A2M: variants seen among roughly 807,000 people sequenced by gnomAD.
The protein encoded by A2M is alpha-2-macroglobulin, also known as C3 and PZP-like alpha-2-macroglobulin domain-containing protein 5.
Under a neutral mutation model 183.9 loss-of-function variants are expected in A2M, and 128 were observed. That is an observed-to-expected ratio of 0.70 (90% CI 0.60 to 0.81). The LOEUF is 0.81. A2M is among the 30% of genes least tolerant of loss of function. A2M has a pLI of 0.00. For missense variants in A2M, 1,495 were observed against 1,787.6 expected (o/e 0.84, Z 2.95); for synonymous variants, 592 against 670.8 (o/e 0.88, Z 1.81).
At chr12:9,094,870 CAT>C (rs920346825) in intron 17 of A2M, 101 bp downstream of exon 17, 7 of 550,288 alleles carry the variant, frequency 1.3e-5, no homozygotes, top group African/African-American at 1.2e-4. Flanking sequence ...GTATGACTCA[CAT>C]GTCCTTTTTG....
At chr12:9,110,752 A>G (rs1162994143) in intron 4 of A2M, among the ~76,000 whole-genome samples, 1 of 152,156 alleles carries the variant, frequency 6.6e-6, no homozygotes, top group Admixed American at 6.5e-5. Context: ...AGTTTCATAT[A>G]GAATAATTCC....
At position 9,113,394 on chromosome 12, in the gene A2M, G is replaced by T; in HGVS notation, c.236C>A (p.Ala79Glu). 1 of 1,613,446 alleles carries T rather than the reference G, an allele frequency of 6.2e-7. No homozygotes were observed. The highest frequency in any genetic ancestry group is 1.1e-5 in the South Asian group (1 of 91,010). Residue 79 changes from alanine to glutamate, a missense_variant, in exon 2 of 36, where the codon GCG (alanine) becomes GAG (glutamate). Coordinates refer to ENST00000318602, the MANE Select transcript of A2M (RefSeq NM_000014.6). ...GACACAGTGGAGTACGTCATTCTCC[G>T]CCTCCAGGTCAGTGAAGAGGCTCCT... Reference protein sequence around the residue: ...GNRSLFTDLEAENDVLHCVAF... With the variant: ...GNRSLFTDLEEENDVLHCVAF...
In A2M at chr12:9,093,425, C is replaced by A. The variant is rs770963600; in HGVS notation, c.2240+40G>T. 89 of 1,353,134 alleles carry A rather than the reference C, an allele frequency of 6.6e-5. No homozygotes were observed. The Middle Eastern group carries it at 3.2e-3, about 49-fold the overall frequency. The allele number at this position is 1,353,134 out of a possible 1,614,324, so 83.8% of individuals were successfully genotyped here. ...GCAAAGAGTTGAAAATAGTCAGGGA[C>A]CTCTATTGTTGCATATTGCATATGC... On this transcript the variant is annotated intron_variant, in intron 18 of 35. Transcript: ENST00000318602.
At chr12:9,089,084 T>C (rs959163244) in intron 22 of A2M, 116 bp downstream of exon 22, 12 of 804,698 alleles carry the variant, frequency 1.5e-5, no homozygotes, top group African/African-American at 5.2e-5. Context: ...GTCAAATGCA[T>C]TGATGGTGCT....
At chr12:9,096,682 T>C (rs147972152) in intron 15 of A2M, among the ~76,000 whole-genome samples, 77 of 152,342 alleles carry the variant, frequency 5.1e-4, no homozygotes, top group African/African-American at 1.8e-3. Context: ...TTAAAACTGA[T>C]TGACAAGAAC....
At position 9,093,560 on chromosome 12, in the gene A2M, T is replaced by C; in HGVS notation, c.2145A>G (p.Arg715=). Residue 715 remains arginine, a synonymous_variant, in exon 18 of 36, where the codon AGA becomes AGG. Transcript: ENST00000318602. ...VGFYESDVMG[R]GHARLVHVEE... ...CAACATGCACCAGGCGTGCATGGCC[T>C]CTTCCCATTACATCTGACTCTATGG... 6.2e-7 allele frequency: 1 copy of C among 1,603,570 alleles called. No individual in the cohort carries two copies. The highest frequency in any genetic ancestry group is 8.5e-7 in the Non-Finnish European group (1 of 1,174,964).
intron 10 of A2M, among the ~76,000 whole-genome samples, chr12:9,105,592 T>C (rs1258789230): frequency 6.6e-6 from 1 of 152,134 alleles, no homozygotes; most frequent in African/African-American, 2.4e-5. Context: ...GTCATAAAGA[T>C]CCATTTGCAC....
chr12:9,093,653 C>CAA, intron 17 of A2M, 74 bp from the exon 18 acceptor site: 1 of 751,204 alleles, frequency 1.3e-6, no homozygotes. Flanking sequence ...ATAGTTGCCA[C>CAA]CAAAAAAAAA....
chr12:9,093,772 C>T (rs1484955549), intron 17 of A2M, among the ~76,000 whole-genome samples, 193 bp from the exon 18 acceptor site: 1 of 150,828 alleles, frequency 6.6e-6, no homozygotes, highest in Non-Finnish European at 1.5e-5. Context: ...CTTAACAAGC[C>T]AGGAGAGGCC....
At chr12:9,081,337 A>G (rs1252141709) in intron 22 of A2M, among the ~76,000 whole-genome samples, 1 of 152,208 alleles carries the variant, frequency 6.6e-6, no homozygotes, top group African/African-American at 2.4e-5. Context: ...GTAACAGATG[A>G]TGGCAAATAT....
chr12:9,078,318 GC>G (rs1247137423), intron 25 of A2M, among the ~76,000 whole-genome samples: 2 of 152,170 alleles, frequency 1.3e-5, no homozygotes, highest in African/African-American at 4.8e-5. Flanking sequence ...GTGTTAGTTT[GC>G]TGAGGCTGAT....
intron 17 of A2M, among the ~76,000 whole-genome samples, chr12:9,094,475 A>G (rs141105187): frequency 6.6e-6 from 1 of 151,274 alleles, no homozygotes; most frequent in East Asian, 1.9e-4. Flanking sequence ...AGTGAATTCC[A>G]TAGAGCCAAC....
Position 9,072,721 on chromosome 12 carries a change from C to A in A2M, c.3907G>T (p.Val1303Phe). The A allele has an allele frequency of 6.2e-7, 1 of 1,614,152 alleles. No individual in the cohort carries two copies. The highest frequency in any genetic ancestry group is 8.5e-7 in the Non-Finnish European group (1 of 1,180,032). ...TCCCCAGGCAGCTCTGGCAATGAGA[C>A]CTGCTGCAGTAACAGGCGGTTGTTG... is the stretch of plus-strand genomic sequence containing the variant. ...DNNNRLLLQQ[V>F]SLPELPGEYS... The change falls in exon 30 of 36, where the codon GTC (valine) becomes TTC (phenylalanine). Residue 1303 changes from valine to phenylalanine, a missense_variant. Physicochemically the swap from Val to Phe is conservative, Grantham distance 50. Transcript: ENST00000318602.
At chr12:9,078,212 C>G (rs1323309902) in intron 25 of A2M, among the ~76,000 whole-genome samples, 1 of 152,148 alleles carries the variant, frequency 6.6e-6, no homozygotes, top group Non-Finnish European at 1.5e-5. Context: ...TCCCAACAGG[C>G]CCTGGTGTGT....
Position 9,080,186 on chromosome 12 carries a change from A to G in A2M, c.2771-9T>C, listed in dbSNP as rs1219117852. 1.9e-6 allele frequency: 3 copies of G among 1,550,648 alleles called. No individual in the cohort carries two copies. The highest frequency in any genetic ancestry group is 2.6e-6 in the Non-Finnish European group (3 of 1,137,094). ...TTCAGAAACCTCACCACCTAGAGAA[A>G]TAAGCAAATCAGACATATGAAAATT... On this transcript the variant is annotated splice_polypyrimidine_tract_variant and intron_variant, in intron 22 of 35. Coordinates refer to ENST00000318602, the MANE Select transcript of A2M (RefSeq NM_000014.6).
intron 8 of A2M, 91 bp from the exon 9 acceptor site, chr12:9,106,696 G>T (rs1326461426): frequency 5.0e-6 from 3 of 602,486 alleles, no homozygotes; most frequent in Non-Finnish European, 8.7e-6. Context: ...TTTGTGGGGG[G>T]ACAACATCAT....
rs113873039 is a variant in A2M at position 9,071,553 on chromosome 12, G to A, written c.4103+806C>T. 9.6e-3 allele frequency among the ~76,000 whole-genome samples: 1,467 copies of A among 152,128 alleles called. 15 individuals are homozygous for A. The highest frequency in any genetic ancestry group is 0.016 in the Non-Finnish European group (1,062 of 67,990). On this transcript the variant is annotated intron_variant, in intron 31 of 35. Transcript: ENST00000318602. ...CTTTATCACTTGGGTACTAAATTTT[G>A]CACTGAATTGTTGTTTTTTTCTGAT...
chr12:9,093,479 A>G lies in A2M; in HGVS notation c.2226T>C (p.Asp742=). Residue 742 remains aspartate, a synonymous_variant, in exon 18 of 36, where the codon GAT becomes GAC. Transcript: ENST00000318602. The part of the protein sequence containing the change: ...RKYFPETWIW[D]LVVVNSAGVA... ...AAGTTACTTACTTTACCACCACCAA[A>G]TCCCAGATCCATGTCTCAGGGAAGT... 6.2e-7 allele frequency: 1 copy of G among 1,613,240 alleles called. No individual in the cohort carries two copies. The highest frequency in any genetic ancestry group is 8.5e-7 in the Non-Finnish European group (1 of 1,179,246).
chr12:9,094,741 T>C (rs1949322340), intron 17 of A2M, among the ~76,000 whole-genome samples: 1 of 152,196 alleles, frequency 6.6e-6, no homozygotes, highest in Non-Finnish European at 1.5e-5. Context: ...TTTCTATTTC[T>C]GTTTACACTA....
Sources: gnomAD v4.1 joint callset for allele counts (sites outside exome capture counted in the v4.1 genomes callset) on GRCh38, gnomAD v4.1.1 for gene constraint, MANE v1.5 for transcripts, NCBI Gene and HGNC (gene_info 2026-07-23, HGNC 2026-07-21) for gene names.